The following SLC24A3 variants were observed in gnomAD, a reference collection of about 807,000 sequenced individuals.
SLC24A3 encodes the protein sodium/potassium/calcium exchanger 3.
In SLC24A3, 28 loss-of-function variants were observed where a neutral mutation model predicts 75.8. The observed-to-expected ratio is 0.37, with a 90% CI of 0.27 to 0.51. The LOEUF is 0.51. Ranked by LOEUF, SLC24A3 falls within the 20% of genes least tolerant of loss-of-function variation. The pLI, the probability that SLC24A3 is intolerant of heterozygous loss-of-function variation, is 0.94. For missense variants in SLC24A3, 663 were observed against 847.8 expected (o/e 0.78, Z 2.71); for synonymous variants, 372 against 334.1 (o/e 1.11, Z -1.24).
At chr20:19,444,270 A>T (rs974786782) in intron 2 of SLC24A3, among the ~76,000 whole-genome samples, 6 of 152,158 alleles carry the variant, frequency 3.9e-5, no homozygotes, top group African/African-American at 1.4e-4. Flanking sequence ...ATCTATGTTC[A>T]TGAGACATAT....
At chr20:19,573,849 G>A (rs2031090189) in intron 3 of SLC24A3, among the ~76,000 whole-genome samples, 1 of 152,178 alleles carries the variant, frequency 6.6e-6, no homozygotes, top group African/African-American at 2.4e-5. Flanking sequence ...CTTAGAACAA[G>A]ATTGAAGTTG....
chr20:19,240,837 C>T (rs1389114858), intron 1 of SLC24A3, among the ~76,000 whole-genome samples: 2 of 152,158 alleles, frequency 1.3e-5, no homozygotes, highest in Admixed American at 6.5e-5. Flanking sequence ...CTGGCTGCCC[C>T]TCGCATGGGG....
intron 2 of SLC24A3, among the ~76,000 whole-genome samples, chr20:19,342,893 A>G (rs943113513): frequency 3.0e-4 from 45 of 151,912 alleles, no homozygotes; most frequent in Admixed American, 2.4e-3. Context: ...ACATGGTGAA[A>G]CCCCGTCTCT....
intron 7 of SLC24A3, 102 bp downstream of exon 7, chr20:19,654,238 G>A (rs187587792): frequency 4.1e-5 from 42 of 1,029,300 alleles, no homozygotes; most frequent in South Asian, 3.9e-4. Flanking sequence ...CACCGGTGGC[G>A]AGTGCGAGAT....
intron 15 of SLC24A3, among the ~76,000 whole-genome samples, chr20:19,701,604 C>T (rs1332243083): frequency 1.3e-5 from 2 of 152,084 alleles, no homozygotes; most frequent in Non-Finnish European, 2.9e-5. Context: ...ACAAGGATGC[C>T]AATGAAGATA....
intron 1 of SLC24A3, among the ~76,000 whole-genome samples, chr20:19,252,885 G>C (rs1463374240): frequency 2.0e-5 from 3 of 152,212 alleles, no homozygotes; most frequent in Non-Finnish European, 4.4e-5. Flanking sequence ...AAATTCTAAA[G>C]AGACACATAG....
At chr20:19,570,832 A>G (rs956044309) in intron 3 of SLC24A3, among the ~76,000 whole-genome samples, 23 of 152,162 alleles carry the variant, frequency 1.5e-4, no homozygotes, top group African/African-American at 5.6e-4. Flanking sequence ...ATTAGAGGTT[A>G]GTGAGAACAA....
At chr20:19,330,794 A>G (rs1984980571) in intron 2 of SLC24A3, among the ~76,000 whole-genome samples, 1 of 152,248 alleles carries the variant, frequency 6.6e-6, no homozygotes, top group Non-Finnish European at 1.5e-5. Context: ...ATAAGTGTAC[A>G]GTGGGTAAAT....
chr20:19,506,770 G>A (rs540945574), intron 2 of SLC24A3, among the ~76,000 whole-genome samples: 57 of 152,320 alleles, frequency 3.7e-4, no homozygotes, highest in Admixed American at 1.7e-3. Flanking sequence ...TCAGTGATAA[G>A]GGCTGTGTAC....
intron 2 of SLC24A3, among the ~76,000 whole-genome samples, chr20:19,411,313 T>C (rs1045850936): frequency 6.6e-6 from 1 of 152,152 alleles, no homozygotes; most frequent in African/African-American, 2.4e-5. Flanking sequence ...AAAAAGAAAG[T>C]GTTGGGTTTT....
intron 1 of SLC24A3, among the ~76,000 whole-genome samples, chr20:19,260,457 C>T (rs995488085): frequency 6.6e-6 from 1 of 152,220 alleles, no homozygotes; most frequent in African/African-American, 2.4e-5. Flanking sequence ...ATTCCCTTGC[C>T]AGTGTCCAGC....
At chr20:19,569,812 G>T (rs981793017) in intron 3 of SLC24A3, among the ~76,000 whole-genome samples, 2 of 152,150 alleles carry the variant, frequency 1.3e-5, no homozygotes, top group Non-Finnish European at 2.9e-5. Flanking sequence ...CAGGCCAAAG[G>T]TTCCCGTTGT....
At chr20:19,356,822 C>G (rs1985695380) in intron 2 of SLC24A3, among the ~76,000 whole-genome samples, 1 of 150,100 alleles carries the variant, frequency 6.7e-6, no homozygotes, top group Admixed American at 6.6e-5. Context: ...TCTACATGGT[C>G]ATCAGTACTT....
At chr20:19,714,417 A>C (rs1448961759) in intron 15 of SLC24A3, among the ~76,000 whole-genome samples, 2 of 134,416 alleles carry the variant, frequency 1.5e-5, no homozygotes, top group Non-Finnish European at 3.1e-5. Flanking sequence ...AAAAAAAAAA[A>C]AAAAAAAAAC....
At chr20:19,545,228 T>G (rs988848841) in intron 3 of SLC24A3, among the ~76,000 whole-genome samples, 1 of 152,172 alleles carries the variant, frequency 6.6e-6, no homozygotes, top group Non-Finnish European at 1.5e-5. Context: ...TACATGCAAT[T>G]ATCCAGCTCT....
At chr20:19,223,181 A>G (rs1568561468) in intron 1 of SLC24A3, among the ~76,000 whole-genome samples, 1 of 152,100 alleles carries the variant, frequency 6.6e-6, no homozygotes, top group Non-Finnish European at 1.5e-5. Context: ...AATCCCAGCT[A>G]CTCAGGAGGC....
At chr20:19,271,335 A>T (rs1202876696) in intron 1 of SLC24A3, among the ~76,000 whole-genome samples, 3 of 152,194 alleles carry the variant, frequency 2.0e-5, no homozygotes, top group African/African-American at 4.8e-5. Context: ...AATAAAAAAA[A>T]AAAAAGATGT....
At chr20:19,692,754 T>C (rs1185526292) in intron 12 of SLC24A3, among the ~76,000 whole-genome samples, 2 of 151,778 alleles carry the variant, frequency 1.3e-5, no homozygotes, top group East Asian at 3.9e-4. Flanking sequence ...CAAATCCTCT[T>C]TGAAGATTCC....
chr20:19,461,683 C>T (rs1987678364), intron 2 of SLC24A3, among the ~76,000 whole-genome samples: 1 of 151,896 alleles, frequency 6.6e-6, no homozygotes, highest in Non-Finnish European at 1.5e-5. Flanking sequence ...CAAGTGCGCA[C>T]CACCACACCT....
Sources: allele counts gnomAD v4.1 joint callset (sites outside exome capture counted in the v4.1 genomes callset), GRCh38; gene constraint gnomAD v4.1.1; transcripts MANE v1.5; gene names NCBI Gene and HGNC (gene_info 2026-07-23, HGNC 2026-07-21).